Variants in FAM76A observed in about 807,000 individuals in gnomAD.
FAM76A encodes family with sequence similarity 76 member A, also known as protein FAM76A.
A neutral mutation model predicts 46.2 loss-of-function variants in FAM76A; 32 were observed. The ratio of observed to expected loss-of-function variants is 0.69; its 90% CI spans 0.52 to 0.93. The LOEUF is 0.93. Ranked by LOEUF, FAM76A falls within the 40% of genes least tolerant of loss-of-function variation. FAM76A has a pLI of 0.00. For missense variants in FAM76A, 274 were observed against 361.5 expected, an observed-to-expected ratio of 0.76 and a Z score of 1.96; for synonymous variants, 137 against 127.0, an observed-to-expected ratio of 1.08 and a Z score of -0.53.
chr1:27,756,479 T>TG (rs2088411182), intron 7 of FAM76A, among the ~76,000 whole-genome samples: 1 of 151,858 alleles, frequency 6.6e-6, no homozygotes, highest in Non-Finnish European at 1.5e-5. Context: ...TCAGTAGAGA[T>TG]GGGGTTTCGC....
At chr1:27,748,115 AAG>A (rs906326756) in intron 5 of FAM76A, among the ~76,000 whole-genome samples, 2 of 150,540 alleles carry the variant, frequency 1.3e-5, no homozygotes, top group Non-Finnish European at 2.9e-5. Flanking sequence ...GTAAATGTAA[AAG>A]AAGTTTTTTT....
chr1:27,739,992 C>T (rs2088124718), intron 4 of FAM76A: 2 of 314,462 alleles, frequency 6.4e-6, no homozygotes, highest in Non-Finnish European at 1.2e-5. Flanking sequence ...CCATCCTCAA[C>T]AGCAACCTGG....
chr1:27,729,110 G>A (rs1360269237), intron 2 of FAM76A, among the ~76,000 whole-genome samples: 1 of 152,076 alleles, frequency 6.6e-6, no homozygotes, highest in African/African-American at 2.4e-5. Flanking sequence ...CTTGAGGAGA[G>A]TGGGATCTAT....
intron 6 of FAM76A, among the ~76,000 whole-genome samples, chr1:27,750,725 A>G (rs1026795244): frequency 6.6e-6 from 1 of 152,176 alleles, no homozygotes; most frequent in Middle Eastern, 3.2e-3. Context: ...CTTGCTGTCC[A>G]TTGCTATGGA....
chr1:27,729,830 C>T (rs2087924859), intron 2 of FAM76A, among the ~76,000 whole-genome samples: 1 of 152,100 alleles, frequency 6.6e-6, no homozygotes, highest in African/African-American at 2.4e-5. Flanking sequence ...GTTTTACAAA[C>T]ATAGACATCT....
At chr1:27,754,547 C>T (rs193008466) in intron 6 of FAM76A, among the ~76,000 whole-genome samples, 87 of 152,312 alleles carry the variant, frequency 5.7e-4, no homozygotes, top group African/African-American at 1.8e-3. Context: ...AGTTTGCCAC[C>T]TCTTTGTTCC....
chr1:27,730,042 T>C (rs1362513858), intron 2 of FAM76A, among the ~76,000 whole-genome samples: 15 of 152,216 alleles, frequency 9.9e-5, no homozygotes. Flanking sequence ...ATATGTTAGC[T>C]CTTAAATTTA....
At position 27,754,750 on chromosome 1, in the gene FAM76A, G is replaced by T. The variant is rs186754768; in HGVS notation, c.600-445G>T. Among the ~76,000 whole-genome samples the T allele has an allele frequency of 7.2e-5, 11 of 152,282 alleles. No homozygotes were observed. The East Asian group carries it at 2.1e-3, about 29-fold the overall frequency. On this transcript the variant is annotated intron_variant, in intron 6 of 8. Coordinates refer to ENST00000373954, the MANE Select transcript of FAM76A (RefSeq NM_152660.3). The stretch of plus-strand genomic sequence containing the variant: ...GCGGTGCTTTGGGACAGAAGACAAG[G>T]ACCTGAAAGATGAGCTCTGAGGGAA...
chr1:27,759,526 A>G lies in FAM76A; in HGVS notation c.736A>G (p.Ile246Val). ...GGTTATTCTGCCTTGTTTCCCTCAG[A>G]TTACAGAGTTGAAGGCTGATTTTCA... is the stretch of plus-strand genomic sequence containing the variant. ...DQMILEKEKK[I>V]TELKADFQYQ... is the part of the protein sequence containing the mutation. The change falls in exon 8 of 9, where the codon ATT (isoleucine) becomes GTT (valine). Residue 246 changes from isoleucine (I) to valine (V), a missense_variant and splice_region_variant. Transcript: ENST00000373954. 1.2e-6 allele frequency: 2 copies of G among 1,605,420 alleles called. No individual in the cohort carries two copies. Among genetic ancestry groups the G allele is most frequent in the East Asian group, 4.5e-5 (2 of 44,672 alleles).
At chr1:27,759,384 G>T (rs1017952771) in intron 7 of FAM76A, 142 bp from the exon 8 acceptor site, 13 of 536,842 alleles carry the variant, frequency 2.4e-5, no homozygotes, top group Non-Finnish European at 4.0e-5. Context: ...AGAGGGTGTG[G>T]AATTCCCTGG....
rs2087879567 is a variant in FAM76A, at chr1:27,727,460, A to G, written c.82-12A>G. On this transcript the variant is annotated splice_polypyrimidine_tract_variant and intron_variant, in intron 1 of 8. Coordinates refer to ENST00000373954, the MANE Select transcript of FAM76A (RefSeq NM_152660.3). Reference sequence around the variant, plus strand: ...GACTGCCTTTTAAAATTATATCCTCATTTCATTTCAGGAATGTCGGATTGC... The same window carrying G: ...GACTGCCTTTTAAAATTATATCCTCGTTTCATTTCAGGAATGTCGGATTGC... 8 of 1,612,324 alleles carry G rather than the reference A, an allele frequency of 5.0e-6. No homozygotes were observed. In the East Asian group the frequency reaches 1.6e-4, roughly 31 times the overall value.
At chr1:27,753,139 T>C (rs2148584816) in intron 6 of FAM76A, among the ~76,000 whole-genome samples, 1 of 152,104 alleles carries the variant, frequency 6.6e-6, no homozygotes, top group East Asian at 1.9e-4. Context: ...ATCATGCCAT[T>C]GCACTCCAGC....
chr1:27,733,165 C>G (rs1048043361), intron 3 of FAM76A, among the ~76,000 whole-genome samples: 1 of 152,186 alleles, frequency 6.6e-6, no homozygotes, highest in East Asian at 1.9e-4. Context: ...CTCCTGAACT[C>G]AAGTGATCTG....
chr1:27,741,478 A>G (rs979214987), intron 4 of FAM76A, among the ~76,000 whole-genome samples: 7 of 152,146 alleles, frequency 4.6e-5, no homozygotes, highest in Admixed American at 2.0e-4. Context: ...ATAAAGAGTA[A>G]AAATATGGCT....
chr1:27,744,150 G>C (rs1183990410), intron 4 of FAM76A, among the ~76,000 whole-genome samples: 1 of 152,076 alleles, frequency 6.6e-6, no homozygotes, highest in African/African-American at 2.4e-5. Flanking sequence ...TTTATTTTGA[G>C]ATGGAGTCAC....
chr1:27,736,719 C>G (rs531932523), intron 4 of FAM76A, among the ~76,000 whole-genome samples: 1 of 152,120 alleles, frequency 6.6e-6, no homozygotes, highest in South Asian at 2.1e-4. Flanking sequence ...TCCAGAGCAG[C>G]TGGGATTACA....
chr1:27,755,362 A>G (rs530540789), intron 7 of FAM76A, 32 bp downstream of exon 7: 42 of 1,612,338 alleles, frequency 2.6e-5, no homozygotes, highest in Non-Finnish European at 3.4e-5. Context: ...TCTGACCAGA[A>G]TGATGCGAGG....
chr1:27,748,356 C>T (rs2088276558), intron 5 of FAM76A, among the ~76,000 whole-genome samples: 1 of 151,574 alleles, frequency 6.6e-6, no homozygotes, highest in Non-Finnish European at 1.5e-5. Flanking sequence ...GATCTCCTGA[C>T]CTCGTGATCC....
chr1:27,740,483 G>A (rs1313303178), intron 4 of FAM76A: 3 of 1,468,940 alleles, frequency 2.0e-6, no homozygotes, highest in African/African-American at 2.8e-5. Context: ...AGTAGGTCCT[G>A]ACACTGTCCA....
Sources: allele counts gnomAD v4.1 joint callset (sites outside exome capture counted in the v4.1 genomes callset), GRCh38; gene constraint gnomAD v4.1.1; transcripts MANE v1.5; gene names NCBI Gene and HGNC (gene_info 2026-07-23, HGNC 2026-07-21).